CEP63: variants seen among roughly 807,000 people sequenced by gnomAD.
CEP63 encodes the protein centrosomal protein 63, also known as centrosomal protein of 63 kDa.
Under a neutral mutation model 89.1 loss-of-function variants are expected in CEP63, and 84 were observed. That is an observed-to-expected ratio of 0.94 (90% CI 0.79 to 1.13). CEP63 has a LOEUF of 1.13. Ranked by LOEUF, CEP63 falls within the 50% of genes most tolerant of loss-of-function variation. The pLI, the probability that CEP63 is intolerant of heterozygous loss-of-function variation, is 0.00. For missense variants in CEP63, 838 were observed against 813.3 expected, an observed-to-expected ratio of 1.03 and a Z score of -0.37; for synonymous variants, 267 against 272.5, an observed-to-expected ratio of 0.98 and a Z score of 0.20.
chr3:134,684,073 A>G, the CEP63 span, among the ~76,000 whole-genome samples: 1 of 152,162 alleles, frequency 6.6e-6, no homozygotes, highest in African/African-American at 2.4e-5. Context: ...GATGTGTACT[A>G]CAAGGTTTCA....
intron 5 of CEP63, chr3:134,535,206 CTT>C (rs1307742031): frequency 6.6e-6 from 1 of 152,246 alleles, no homozygotes; most frequent in Non-Finnish European, 1.5e-5. Flanking sequence ...TCCAGTTCCT[CTT>C]GTCTCATTGT....
At chr3:134,753,096 G>C in the CEP63 span, among the ~76,000 whole-genome samples, 3 of 152,090 alleles carry the variant, frequency 2.0e-5, no homozygotes, top group African/African-American at 7.2e-5. Flanking sequence ...CCTCAAGTGT[G>C]GGTGTCTGTG....
At chr3:134,586,067 C>A in intron 10 of CEP63, among the ~76,000 whole-genome samples, 1 of 151,998 alleles carries the variant, frequency 6.6e-6, no homozygotes, top group East Asian at 1.9e-4. Context: ...TCCTCCATCC[C>A]TTTATTTTGA....
At chr3:134,719,002 A>G in the CEP63 span, among the ~76,000 whole-genome samples, 3 of 152,264 alleles carry the variant, frequency 2.0e-5, no homozygotes, top group South Asian at 6.2e-4. Flanking sequence ...TCACTTAACC[A>G]CTAGGTATGA....
rs753070515 is a variant in CEP63, at chr3:134,559,141, A to G, written c.1674-9A>G. The G allele has an allele frequency of 1.2e-6, 2 of 1,613,224 alleles. No individual in the cohort carries two copies. The highest frequency in any genetic ancestry group is 2.7e-5 in the African/African-American group (2 of 74,866). ...TTTTATTTGTTTTGTTTTCTAATCTACCATCCAGGCCAACCCATGGCCAGC... is the reference window on the plus strand; with the variant it reads ...TTTTATTTGTTTTGTTTTCTAATCTGCCATCCAGGCCAACCCATGGCCAGC... On this transcript the variant is annotated splice_polypyrimidine_tract_variant and intron_variant, in intron 13 of 14. Coordinates refer to ENST00000675561, the MANE Select transcript of CEP63 (RefSeq NM_001353108.3).
At chr3:134,758,737 C>T in the CEP63 span, among the ~76,000 whole-genome samples, 1 of 152,136 alleles carries the variant, frequency 6.6e-6, no homozygotes, top group African/African-American at 2.4e-5. Flanking sequence ...GGGTTCACTT[C>T]CTATGAGAAC....
chr3:134,779,326 C>A, the CEP63 span, among the ~76,000 whole-genome samples: 5 of 152,130 alleles, frequency 3.3e-5, no homozygotes, highest in Non-Finnish European at 5.9e-5. Context: ...CTCATTTTTG[C>A]TCCTGTATAA....
the CEP63 span, among the ~76,000 whole-genome samples, chr3:134,626,435 C>T: frequency 2.0e-5 from 3 of 152,192 alleles, no homozygotes; most frequent in African/African-American, 7.2e-5. Context: ...TTCCTGGGAG[C>T]ATATCATGTT....
At chr3:134,695,444 T>G in the CEP63 span, among the ~76,000 whole-genome samples, 1 of 152,198 alleles carries the variant, frequency 6.6e-6, no homozygotes, top group African/African-American at 2.4e-5. Flanking sequence ...GGCCTGCCCA[T>G]ACATGGTGAT....
the CEP63 span, chr3:134,613,272 T>C: frequency 6.5e-6 from 1 of 153,794 alleles, no homozygotes; most frequent in Non-Finnish European, 1.5e-5. Context: ...AGAATGGGTA[T>C]GGAATGTCCT....
chr3:134,571,769 AG>A, intron 11 of CEP63, among the ~76,000 whole-genome samples: 1 of 152,336 alleles, frequency 6.6e-6, no homozygotes, highest in South Asian at 2.1e-4. Flanking sequence ...TGAAAACCTA[AG>A]AAAAAACAAA....
chr3:134,595,469 A>G, the CEP63 span, among the ~76,000 whole-genome samples: 3 of 152,162 alleles, frequency 2.0e-5, no homozygotes, highest in African/African-American at 7.2e-5. Flanking sequence ...TTTTGGTCTG[A>G]GCCCTGATTT....
the CEP63 span, chr3:134,651,407 C>T: frequency 2.8e-6 from 3 of 1,085,382 alleles, no homozygotes; most frequent in Non-Finnish European, 3.4e-6. Flanking sequence ...CACGAGAAGC[C>T]CCTGGCAAAT....
intron 3 of CEP63, 92 bp downstream of exon 3, chr3:134,507,378 G>C: frequency 1.1e-6 from 1 of 938,584 alleles, no homozygotes; most frequent in Non-Finnish European, 1.7e-6. Flanking sequence ...GAAAGAATTT[G>C]TATACCAAGT....
chr3:134,739,890 G>C, the CEP63 span, among the ~76,000 whole-genome samples: 4 of 152,276 alleles, frequency 2.6e-5, no homozygotes, highest in Non-Finnish European at 2.9e-5. Context: ...CGTGTTTCAA[G>C]TGTTAGACAA....
chr3:134,517,519 A>G (rs1158553382), intron 3 of CEP63, among the ~76,000 whole-genome samples: 2 of 152,262 alleles, frequency 1.3e-5, no homozygotes, highest in African/African-American at 2.4e-5. Flanking sequence ...TTCAGAGTAC[A>G]CATTCTTATT....
At chr3:134,679,856 G>A in the CEP63 span, among the ~76,000 whole-genome samples, 14 of 152,138 alleles carry the variant, frequency 9.2e-5, no homozygotes, top group Admixed American at 5.9e-4. Context: ...CAGAGTAGCT[G>A]GGACTACAGG....
At chr3:134,532,218 G>A (rs971434532) in intron 4 of CEP63, among the ~76,000 whole-genome samples, 1 of 152,234 alleles carries the variant, frequency 6.6e-6, no homozygotes, top group Middle Eastern at 3.4e-3. Context: ...TGAAATACTT[G>A]ATACCAAAAA....
intron 3 of CEP63, among the ~76,000 whole-genome samples, chr3:134,520,571 G>T (rs1356562982): frequency 6.6e-6 from 1 of 152,122 alleles, no homozygotes; most frequent in Non-Finnish European, 1.5e-5. Flanking sequence ...AATTTATATG[G>T]CAGTAGCCAA....
Sources: gnomAD v4.1 joint callset for allele counts (sites outside exome capture counted in the v4.1 genomes callset) on GRCh38, gnomAD v4.1.1 for gene constraint, MANE v1.5 for transcripts, NCBI Gene and HGNC (gene_info 2026-07-23, HGNC 2026-07-21) for gene names.